Variants in CCDC18 observed in about 807,000 individuals in gnomAD.
CCDC18 encodes the protein coiled-coil domain containing 18, also known as coiled-coil domain-containing protein 18.
A neutral mutation model predicts 196.0 loss-of-function variants in CCDC18; 157 were observed. That is an observed-to-expected ratio of 0.80 (90% CI 0.70 to 0.91). CCDC18 has a LOEUF of 0.91. Among genes scored for constraint, CCDC18 ranks in the 40% least tolerant of loss-of-function variants. The pLI is 0.00. For synonymous variants in CCDC18, 482 were observed against 529.2 expected, an observed-to-expected ratio of 0.91 and a Z score of 1.22; for missense variants, 1,465 against 1,611.6, an observed-to-expected ratio of 0.91 and a Z score of 1.56.
Position 93,185,672 on chromosome 1 carries a change from A to T in CCDC18, c.304-673A>T, listed in dbSNP as rs564788887. Among the ~76,000 whole-genome samples the T allele has an allele frequency of 2.6e-5, 4 of 152,112 alleles. No individual in the cohort carries two copies. The South Asian group carries it at 8.3e-4, about 31-fold the overall frequency. ...GGTAATTTATATTGCTTATGTATGC[A>T]TGTGGAATTACCAGAAGACTAAACA... On this transcript the variant is annotated intron_variant, in intron 3 of 28. Transcript: ENST00000690025.
chr1:93,181,159 T>TAAAAAAAAAAA (rs71094239), intron 1 of CCDC18, among the ~76,000 whole-genome samples: 3 of 89,854 alleles, frequency 3.3e-5, no homozygotes, highest in South Asian at 5.5e-4. Context: ...TCTATAAAAT[T>TAAAAAAAAAAA]AAAAAAAAAA....
At chr1:93,276,241 G>C (rs1328742215) in intron 28 of CCDC18, among the ~76,000 whole-genome samples, 1 of 152,214 alleles carries the variant, frequency 6.6e-6, no homozygotes, top group Non-Finnish European at 1.5e-5. Flanking sequence ...TTTCCTAATG[G>C]TTAAGTACGT....
chr1:93,212,585 A>G (rs1435164315), intron 11 of CCDC18, among the ~76,000 whole-genome samples: 1 of 152,222 alleles, frequency 6.6e-6, no homozygotes, highest in Admixed American at 6.5e-5. Context: ...CAAATTTATC[A>G]ACTGTTTGGT....
At chr1:93,219,926 TG>T (rs1423503591) in intron 14 of CCDC18, among the ~76,000 whole-genome samples, 2 of 152,134 alleles carry the variant, frequency 1.3e-5, no homozygotes, top group Admixed American at 6.5e-5. Flanking sequence ...CAGAGATATA[TG>T]GGGAAGGACC....
chr1:93,221,728 G>T lies in CCDC18; in HGVS notation c.2082G>T (p.Leu694Phe). The change falls in exon 15 of 29, where the codon TTG becomes TTT. Residue 694 changes from leucine (L) to phenylalanine (F), a missense_variant. By Grantham distance (22) the Leu-to-Phe change is conservative. Coordinates refer to ENST00000690025, the MANE Select transcript of CCDC18 (RefSeq NM_001378204.1). ...QHHLESLDRL[L>F]TESKGEMKKE... ...ATCTTGAATCACTAGATAGACTCTTGACGGAAAGCAAAGGGGTAAAATCAT... is the reference window on the plus strand; with the variant it reads ...ATCTTGAATCACTAGATAGACTCTTTACGGAAAGCAAAGGGGTAAAATCAT... 6.3e-7 allele frequency: 1 copy of T among 1,597,358 alleles called. No homozygotes were observed. Among genetic ancestry groups the T allele is most frequent in the Non-Finnish European group, 8.5e-7 (1 of 1,175,836 alleles).
chr1:93,184,092 C>T lies in CCDC18; in HGVS notation c.249C>T (p.Asn83=), dbSNP rs780478536. The T allele has an allele frequency of 2.6e-5, 41 of 1,568,726 alleles. No individual in the cohort carries two copies. Among genetic ancestry groups the T allele is most frequent in the Admixed American group, 5.2e-5 (3 of 57,990 alleles). Residue 83 remains asparagine, a synonymous_variant, in exon 3 of 29, where the codon AAC becomes AAT. Coordinates refer to ENST00000690025, the MANE Select transcript of CCDC18 (RefSeq NM_001378204.1). ...TTTTGAATTATTCACCTTATGAAAA[C>T]GTCTGTAAAATATCTGGTAGCAGCA... ...PGLLNYSPYE[N]VCKISGSSTD...
chr1:93,226,720 G>A (rs973128096), intron 17 of CCDC18, among the ~76,000 whole-genome samples: 2 of 152,024 alleles, frequency 1.3e-5, no homozygotes, highest in South Asian at 4.2e-4. Context: ...TTTTAGTAAA[G>A]ATGGGATTTC....
chr1:93,221,632 G>A lies in CCDC18; in HGVS notation c.1986G>A (p.Lys662=). The part of the protein sequence containing the change: ...IERLEAQLEK[K]DQQFKEQEKT... ...AGCTTGAAGCTCAACTAGAGAAAAAGGACCAACAATTTAAAGAACAAGAAA... is the reference window on the plus strand; with the variant it reads ...AGCTTGAAGCTCAACTAGAGAAAAAAGACCAACAATTTAAAGAACAAGAAA... The change falls in exon 15 of 29, where the codon AAG becomes AAA. Residue 662 remains lysine (K), a synonymous_variant. Coordinates refer to ENST00000690025, the MANE Select transcript of CCDC18 (RefSeq NM_001378204.1). 1 of 1,546,026 alleles carries A rather than the reference G, an allele frequency of 6.5e-7. No homozygotes were observed. Among genetic ancestry groups the A allele is most frequent in the Non-Finnish European group, 8.7e-7 (1 of 1,156,054 alleles).
chr1:93,217,944 G>A, intron 14 of CCDC18, 75 bp downstream of exon 14: 2 of 1,239,442 alleles, frequency 1.6e-6, no homozygotes, highest in South Asian at 1.5e-5. Flanking sequence ...TTTTTATTTT[G>A]TAGACGAGGA....
chr1:93,194,911 C>G (rs1018272273), intron 6 of CCDC18, among the ~76,000 whole-genome samples: 1 of 152,126 alleles, frequency 6.6e-6, no homozygotes, highest in Admixed American at 6.5e-5. Flanking sequence ...TACTCTGTCT[C>G]GCAGGCTGGA....
chr1:93,199,649 AG>A (rs1653471674), intron 6 of CCDC18: 1 of 152,344 alleles, frequency 6.6e-6, no homozygotes, highest in African/African-American at 2.4e-5. Context: ...GTGGGTCCTG[AG>A]TTCTTGTCCT....
Position 93,258,854 on chromosome 1 carries a change from T to A in CCDC18, c.3653T>A (p.Val1218Glu), listed in dbSNP as rs764897399. Residue 1218 changes from valine to glutamate, a missense_variant, in exon 26 of 29, where the codon GTA becomes GAA. Val to Glu is a moderately radical substitution (Grantham distance 121, BLOSUM62 -2). Transcript: ENST00000690025. ...GAAATCAAGAAATTGTCAGCAGAAG[T>A]AGAATCTCTCAAAGAAGCTTATCAT... Reference protein sequence around the residue: ...QAEIKKLSAEVESLKEAYHME... With the variant: ...QAEIKKLSAEEESLKEAYHME... The A allele has an allele frequency of 6.2e-7, 1 of 1,601,808 alleles. No individual in the cohort carries two copies.
chr1:93,228,543 C>A (rs977704929), intron 17 of CCDC18, among the ~76,000 whole-genome samples: 1 of 151,432 alleles, frequency 6.6e-6, no homozygotes, highest in Non-Finnish European at 1.5e-5. Flanking sequence ...TTAATACGGT[C>A]ATGTCTTCTT....
intron 8 of CCDC18, 89 bp downstream of exon 8, chr1:93,205,720 T>A: frequency 8.3e-7 from 1 of 1,210,938 alleles, no homozygotes; most frequent in Non-Finnish European, 1.2e-6. Flanking sequence ...TTGTTGTAAT[T>A]ATAGGCTTAC....
intron 27 of CCDC18, among the ~76,000 whole-genome samples, chr1:93,266,864 T>C (rs1664596486): frequency 6.6e-6 from 1 of 152,068 alleles, no homozygotes; most frequent in South Asian, 2.1e-4. Flanking sequence ...CTACCAGAGG[T>C]ACAAAGAGGA....
chr1:93,274,346 G>A (rs957432448), intron 28 of CCDC18, among the ~76,000 whole-genome samples: 3 of 152,056 alleles, frequency 2.0e-5, no homozygotes, highest in African/African-American at 7.2e-5. Flanking sequence ...AGGTTGCAGT[G>A]AGCCGAGACT....
intron 4 of CCDC18, among the ~76,000 whole-genome samples, chr1:93,186,987 C>A (rs12124011): frequency 0.53 from 79,916 of 151,784 alleles, 24,216 homozygotes; most frequent in South Asian, 0.68. Context: ...TTTTCTGATG[C>A]ATTTACATAG....
Sources: allele counts gnomAD v4.1 joint callset (sites outside exome capture counted in the v4.1 genomes callset), GRCh38; gene constraint gnomAD v4.1.1; transcripts MANE v1.5; gene names NCBI Gene and HGNC (gene_info 2026-07-23, HGNC 2026-07-21).